Variants in PCDHGB2 observed in about 807,000 individuals in gnomAD.
The protein encoded by PCDHGB2 is protocadherin gamma-B2.
PCDHGB2 carries 55 observed loss-of-function variants against 59.3 expected under a neutral mutation model. The ratio of observed to expected loss-of-function variants is 0.93; its 90% CI spans 0.75 to 1.16. The LOEUF is 1.16. Among genes scored for constraint, PCDHGB2 ranks in the 50% most tolerant of loss-of-function variants. PCDHGB2 has a pLI of 0.00. For missense variants in PCDHGB2, 1,228 were observed against 1,198.5 expected, an observed-to-expected ratio of 1.02 and a Z score of -0.36; for synonymous variants, 516 against 512.0, an observed-to-expected ratio of 1.01 and a Z score of -0.11.
At chr5:141,411,215 A>C (rs1202378654) in intron 1 of PCDHGB2, 1 of 152,270 alleles carries the variant, frequency 6.6e-6, no homozygotes, top group Non-Finnish European at 1.5e-5. Context: ...TAACCTATCT[A>C]TTCAAATTTG....
At chr5:141,456,171 A>ACAGGCG (rs1443838766) in intron 1 of PCDHGB2, among the ~76,000 whole-genome samples, 2 of 152,096 alleles carry the variant, frequency 1.3e-5, no homozygotes, top group East Asian at 3.9e-4. Flanking sequence ...TGCTGGGATT[A>ACAGGCG]CAGAATAATT....
chr5:141,427,052 C>T (rs79280874), intron 1 of PCDHGB2: 9,800 of 457,514 alleles, frequency 0.021, 162 homozygotes, highest in Middle Eastern at 0.051. Flanking sequence ...TGCCCCCAGG[C>T]ACCTCTGTAC....
chr5:141,460,686 C>A (rs2098995566), intron 1 of PCDHGB2, among the ~76,000 whole-genome samples: 1 of 151,698 alleles, frequency 6.6e-6, no homozygotes, highest in Admixed American at 6.6e-5. Context: ...TCTATATATC[C>A]ACCAACAGTT....
rs766268377 is a variant in PCDHGB2, at chr5:141,360,531, A to G, written c.396A>G (p.Leu132=). 8 of 1,613,872 alleles carry G rather than the reference A, an allele frequency of 5.0e-6. No individual in the cohort carries two copies. The highest frequency in any genetic ancestry group is 1.1e-5 in the South Asian group (1 of 91,090). ...IVQDINDNTP[L]FKQTKINLKI... Reference sequence around the variant, plus strand: ...AGGATATAAATGATAATACCCCGCTATTCAAACAGACTAAGATTAATTTAA... The same window carrying G: ...AGGATATAAATGATAATACCCCGCTGTTCAAACAGACTAAGATTAATTTAA... The change falls in exon 1 of 4, where the codon CTA becomes CTG. Residue 132 remains leucine (L), a synonymous_variant. Coordinates refer to ENST00000522605, the MANE Select transcript of PCDHGB2 (RefSeq NM_018923.3).
chr5:141,362,997 G>A (rs1275044345), intron 1 of PCDHGB2, among the ~76,000 whole-genome samples: 1 of 152,256 alleles, frequency 6.6e-6, no homozygotes, highest in African/African-American at 2.4e-5. Context: ...GGCATGGCTT[G>A]TTAATCACAG....
At position 141,383,195 on chromosome 5, in the gene PCDHGB2, G is replaced by A. The variant is rs765730698; in HGVS notation, c.2421+20639G>A. On this transcript the variant is annotated intron_variant, in intron 1 of 3. Transcript: ENST00000522605. ...GACCGGGAAGAGATCTGCGCTCAGA[G>A]TGCGCGGTGTCTGGTAAACTTTAAC... 18 of 1,614,044 alleles carry A rather than the reference G, an allele frequency of 1.1e-5. No homozygotes were observed. Among genetic ancestry groups the A allele is most frequent in the Non-Finnish European group, 1.5e-5 (18 of 1,179,940 alleles).
intron 1 of PCDHGB2, chr5:141,414,594 C>T: frequency 1.2e-6 from 2 of 1,613,952 alleles, no homozygotes; most frequent in Non-Finnish European, 1.7e-6. Flanking sequence ...CCAGGGGTGC[C>T]TCCATCTTCT....
rs866752085 is a variant in PCDHGB2, at chr5:141,424,634, A to G, written c.2421+62078A>G. ...AATAGAGTAGTTTGTGAATATATAA[A>G]TAGATTGAAGGTATTTGGACTTTAA... On this transcript the variant is annotated intron_variant, in intron 1 of 3. Coordinates refer to ENST00000522605, the MANE Select transcript of PCDHGB2 (RefSeq NM_018923.3). 6 of 152,338 alleles carry G rather than the reference A, an allele frequency of 3.9e-5. No individual in the cohort carries two copies. The South Asian group carries it at 1.2e-3, about 32-fold the overall frequency. 9.4% of individuals were successfully genotyped at this position (152,338 alleles called of 1,614,324 possible).
At chr5:141,427,963 T>C (rs1289642441) in intron 1 of PCDHGB2, 1 of 1,589,380 alleles carries the variant, frequency 6.3e-7, no homozygotes, top group East Asian at 2.2e-5. Flanking sequence ...GTGCCGCGGG[T>C]GCTGTACCCC....
intron 1 of PCDHGB2, chr5:141,410,752 G>GT: frequency 4.4e-6 from 5 of 1,130,822 alleles, no homozygotes; most frequent in Non-Finnish European, 5.8e-6. Context: ...TTTTCTCAAT[G>GT]TTTTTTCAAT....
intron 1 of PCDHGB2, chr5:141,421,501 G>T: frequency 6.2e-7 from 1 of 1,614,094 alleles, no homozygotes; most frequent in Non-Finnish European, 8.5e-7. Context: ...AGGCAGGATA[G>T]ACCGGGAGGA....
At chr5:141,419,014 C>A (rs1332175722) in intron 1 of PCDHGB2, 1 of 1,613,780 alleles carries the variant, frequency 6.2e-7, no homozygotes, top group Non-Finnish European at 8.5e-7. Flanking sequence ...TCAGGTGTAG[C>A]TTAAGTAGAG....
rs1561852927 is a variant in PCDHGB2, at chr5:141,431,472, A to G, written c.2422-63335A>G. On this transcript the variant is annotated intron_variant, in intron 1 of 3. Coordinates refer to ENST00000522605, the MANE Select transcript of PCDHGB2 (RefSeq NM_018923.3). The surrounding 1 kb of genome is among the most constrained non-coding windows in gnomAD (Gnocchi z 4.8). The stretch of plus-strand genomic sequence containing the variant: ...GTGATGGTTCTGGATGCGAACGACA[A>G]CGCACCAGCGTTTGCTCAGCCCGAG... 6.2e-7 allele frequency: 1 copy of G among 1,613,784 alleles called. No individual in the cohort carries two copies. The highest frequency in any genetic ancestry group is 8.5e-7 in the Non-Finnish European group (1 of 1,179,948).
rs1591273286 is a variant in PCDHGB2, at chr5:141,433,311, T to A, written c.2422-61496T>A. 11 of 870,402 alleles carry A rather than the reference T, an allele frequency of 1.3e-5. No individual in the cohort carries two copies. The East Asian group carries it at 2.9e-4, about 23-fold the overall frequency. 53.9% of individuals were successfully genotyped at this position (870,402 alleles called of 1,614,324 possible). A position where few individuals can be genotyped will look rare whatever the true frequency, so the allele number is the denominator to read the frequency against. On this transcript the variant is annotated intron_variant, in intron 1 of 3. Coordinates refer to ENST00000522605, the MANE Select transcript of PCDHGB2 (RefSeq NM_018923.3). Reference sequence around the variant, plus strand: ...TAGGCTCAAGCAATTATCCCACCTTTGCCTCCGGTGTAACAGGGACTACAG... The same window carrying A: ...TAGGCTCAAGCAATTATCCCACCTTAGCCTCCGGTGTAACAGGGACTACAG...
At chr5:141,415,014 C>G (rs747951360) in intron 1 of PCDHGB2, 1 of 1,613,502 alleles carries the variant, frequency 6.2e-7, no homozygotes, top group African/African-American at 1.3e-5. Flanking sequence ...ACCGTCTGCT[C>G]AAGGCCAGCG....
intron 1 of PCDHGB2, chr5:141,413,170 A>T (rs751830095): frequency 6.3e-7 from 1 of 1,595,602 alleles, no homozygotes; most frequent in South Asian, 1.1e-5. Context: ...CTGTAACCAG[A>T]CTACAATGGC....
At chr5:141,435,215 C>G (rs4912753) in intron 1 of PCDHGB2, among the ~76,000 whole-genome samples, 81,908 of 151,924 alleles carry the variant, frequency 0.54, 24,122 homozygotes, top group African/African-American at 0.79. Flanking sequence ...AGTGAATTTA[C>G]TTTCTTTCAA....
intron 1 of PCDHGB2, chr5:141,418,388 T>C: frequency 6.2e-7 from 1 of 1,613,942 alleles, no homozygotes; most frequent in Non-Finnish European, 8.5e-7. Flanking sequence ...TCCTAACGAG[T>C]ATTTCTCATT....
chr5:141,489,983 G>T lies in PCDHGB2; in HGVS notation c.2422-4824G>T. ...CCAACCTTCCAATCCTCAGTTCTACGTGTGGGAATCCCAGAGAATGCACCC... is the reference window on the plus strand; with the variant it reads ...CCAACCTTCCAATCCTCAGTTCTACTTGTGGGAATCCCAGAGAATGCACCC... On this transcript the variant is annotated intron_variant, in intron 1 of 3. Coordinates refer to ENST00000522605, the MANE Select transcript of PCDHGB2 (RefSeq NM_018923.3). The surrounding 1 kb of genome is among the most constrained non-coding windows in gnomAD (Gnocchi z 4.5). The T allele has an allele frequency of 6.2e-7, 1 of 1,614,172 alleles. No homozygotes were observed. Among genetic ancestry groups the T allele is most frequent in the Non-Finnish European group, 8.5e-7 (1 of 1,179,996 alleles).
Sources: gnomAD v4.1 joint callset for allele counts (sites outside exome capture counted in the v4.1 genomes callset) on GRCh38, gnomAD v4.1.1 for gene constraint, Gnocchi (gnomAD v3.1) non-coding constraint, MANE v1.5 for transcripts, NCBI Gene and HGNC (gene_info 2026-07-23, HGNC 2026-07-21) for gene names.